Variants in GPAM observed in about 807,000 individuals in gnomAD.
GPAM encodes glycerol-3-phosphate acyltransferase, mitochondrial.
GPAM carries 56 observed loss-of-function variants against 105.0 expected under a neutral mutation model. That is an observed-to-expected ratio of 0.53 (90% confidence interval 0.43 to 0.67). GPAM has a LOEUF of 0.67. Ranked by LOEUF, GPAM falls within the 30% of genes least tolerant of loss-of-function variation. GPAM has a pLI of 0.00. For synonymous variants in GPAM, 368 were observed against 354.4 expected, an observed-to-expected ratio of 1.04 and a Z score of -0.43; for missense variants, 855 against 989.8, an observed-to-expected ratio of 0.86 and a Z score of 1.83.
At chr10:112,180,915 C>A (rs1038669647) in intron 3 of GPAM, among the ~76,000 whole-genome samples, 2 of 152,132 alleles carry the variant, frequency 1.3e-5, no homozygotes, top group African/African-American at 2.4e-5. Context: ...TAACAATTAA[C>A]CTTACCCCCT....
chr10:112,200,061 C>T (rs1305105303), intron 1 of GPAM, among the ~76,000 whole-genome samples: 1 of 151,526 alleles, frequency 6.6e-6, no homozygotes, highest in Non-Finnish European at 1.5e-5. Flanking sequence ...AAGACAGCCA[C>T]ACTTGGATCT....
intron 1 of GPAM, among the ~76,000 whole-genome samples, chr10:112,210,353 T>C (rs1347011934): frequency 6.6e-6 from 1 of 151,628 alleles, no homozygotes. Context: ...AAACAGGGAG[T>C]TTTCAAATCT....
intron 1 of GPAM, among the ~76,000 whole-genome samples, chr10:112,208,172 G>A (rs1847872102): frequency 6.6e-6 from 1 of 152,114 alleles, no homozygotes; most frequent in Non-Finnish European, 1.5e-5. Context: ...AGAAGCACGT[G>A]GATAGAGAAC....
intron 14 of GPAM, 102 bp from the exon 15 acceptor site, chr10:112,161,839 A>G (rs1847130212): frequency 1.2e-6 from 1 of 818,120 alleles, no homozygotes; most frequent in African/African-American, 1.7e-5. Context: ...TAAAACTGTG[A>G]AAGTCTTCTA....
chr10:112,211,561 C>G (rs1215125342), intron 1 of GPAM, among the ~76,000 whole-genome samples: 1 of 152,186 alleles, frequency 6.6e-6, no homozygotes, highest in East Asian at 1.9e-4. Context: ...TTCTTTTTCT[C>G]ATCACATATG....
At chr10:112,214,091 C>G (rs1419792419) in intron 1 of GPAM, among the ~76,000 whole-genome samples, 1 of 152,166 alleles carries the variant, frequency 6.6e-6, no homozygotes, top group Non-Finnish European at 1.5e-5. Flanking sequence ...GCAGTCAGCA[C>G]AGGAAGCATC....
intron 8 of GPAM, 95 bp from the exon 9 acceptor site, chr10:112,172,413 C>T: frequency 1.1e-6 from 1 of 879,418 alleles, no homozygotes; most frequent in Non-Finnish European, 1.9e-6. Context: ...CAAACACTGG[C>T]TAATCAGTGA....
rs1362277077 is a variant in GPAM at position 112,153,217 on chromosome 10, A to G, written c.*333T>C. The G allele has an allele frequency of 1.7e-6, 2 of 1,153,480 alleles. No homozygotes were observed. Among genetic ancestry groups the G allele is most frequent in the Non-Finnish European group, 2.2e-6 (2 of 926,046 alleles). 71.5% of individuals were successfully genotyped at this position (1,153,480 alleles called of 1,614,324 possible). A position where few individuals can be genotyped will look rare whatever the true frequency, so the allele number is the denominator to read the frequency against. On this transcript the variant is annotated 3_prime_UTR_variant, in exon 22 of 22. Transcript: ENST00000348367. ...AGAACACAGCTACATTTCTGTGTCC[A>G]TCACAGTAATTAGTCCTTAAAAGTT...
rs1416028066 is a variant in GPAM, at chr10:112,153,244, T to C, written c.*306A>G. The C allele has an allele frequency of 1.7e-6, 2 of 1,197,734 alleles. No individual in the cohort carries two copies. Among genetic ancestry groups the C allele is most frequent in the Non-Finnish European group, 2.1e-6 (2 of 952,498 alleles). The allele number at this position is 1,197,734 out of a possible 1,614,324, so 74.2% of individuals were successfully genotyped here. On this transcript the variant is annotated 3_prime_UTR_variant, in exon 22 of 22. Coordinates refer to ENST00000348367, the MANE Select transcript of GPAM (RefSeq NM_001244949.2). The stretch of plus-strand genomic sequence containing the variant: ...CACAGTAATTAGTCCTTAAAAGTTG[T>C]ACTTAAAATGTCAATCTTTAATAAA...
intron 21 of GPAM, chr10:112,153,917 C>A: frequency 2.4e-6 from 1 of 420,130 alleles, no homozygotes; most frequent in Non-Finnish European, 4.3e-6. Context: ...TAACTATATT[C>A]TAAAATTTCA....
Position 112,211,220 on chromosome 10 carries a change from G to A in GPAM, n.210+3948C>T, listed in dbSNP as rs148009752. Reference sequence around the variant, plus strand: ...AAACTGGTCACTTCTTCCTCCTGCCGTCCTTGAGTTTGGGCCTAGCTTCTC... The same window carrying A: ...AAACTGGTCACTTCTTCCTCCTGCCATCCTTGAGTTTGGGCCTAGCTTCTC... On this transcript the variant is annotated intron_variant and non_coding_transcript_variant, in intron 1 of 3. Transcript: ENST00000480130. Among the ~76,000 whole-genome samples the A allele has an allele frequency of 7.3e-3, 1,114 of 152,274 alleles. 10 individuals carry two copies. Among genetic ancestry groups the A allele is most frequent in the Non-Finnish European group, 0.011 (740 of 68,014 alleles).
chr10:112,209,430 C>T (rs1310020192), intron 1 of GPAM, among the ~76,000 whole-genome samples: 1 of 152,044 alleles, frequency 6.6e-6, no homozygotes, highest in Non-Finnish European at 1.5e-5. Context: ...AGCATCAGCC[C>T]ACAGGATAAT....
chr10:112,172,153 C>A, intron 9 of GPAM, 29 bp downstream of exon 9: 1 of 1,526,872 alleles, frequency 6.5e-7, no homozygotes, highest in African/African-American at 1.4e-5. Flanking sequence ...CTTTTTAATT[C>A]CTTAAATTCC....
At chr10:112,189,083 G>T (rs1022096245) in intron 1 of GPAM, among the ~76,000 whole-genome samples, 1 of 152,146 alleles carries the variant, frequency 6.6e-6, no homozygotes, top group Non-Finnish European at 1.5e-5. Context: ...CAAGAATATT[G>T]TAAGGACATT....
chr10:112,154,343 T>A, intron 21 of GPAM: 1 of 470,480 alleles, frequency 2.1e-6, no homozygotes, highest in South Asian at 2.6e-5. Context: ...ATATTCAACC[T>A]GTAGCACCTT....
upstream of GPAM, among the ~76,000 whole-genome samples, chr10:112,187,424 C>T (rs1021799622): frequency 1.3e-5 from 2 of 151,970 alleles, no homozygotes; most frequent in African/African-American, 4.8e-5. Flanking sequence ...ATATTAATAT[C>T]ATATAATTTC....
rs181197544 is a variant in GPAM at position 112,163,668 on chromosome 10, T to C, written c.1423+33A>G. 4.0e-6 allele frequency: 4 copies of C among 990,596 alleles called. No homozygotes were observed. In the Admixed American group the frequency reaches 5.1e-5, roughly 13 times the overall value. The allele number at this position is 990,596 out of a possible 1,614,324, so 61.4% of individuals were successfully genotyped here. ...TGCACCATACCATGATGAATCTAAATTGTAGAATTAAAGAGTCTGGTATTC... is the reference window on the plus strand; with the variant it reads ...TGCACCATACCATGATGAATCTAAACTGTAGAATTAAAGAGTCTGGTATTC... On this transcript the variant is annotated intron_variant, in intron 14 of 21. Coordinates refer to ENST00000348367, the MANE Select transcript of GPAM (RefSeq NM_001244949.2).
rs141606827 is a variant in GPAM, at chr10:112,198,454, G to A, written n.211-15563C>T. Among the ~76,000 whole-genome samples the A allele has an allele frequency of 5.0e-4, 76 of 152,216 alleles. 1 individual carries two copies. In the East Asian group the frequency reaches 0.012, roughly 24 times the overall value. ...ACTTTTTGGCATCTGGGAACAGTTC[G>A]ATTATCTGATGAAACTCCAGGCTCT... is the stretch of plus-strand genomic sequence containing the variant. On this transcript the variant is annotated intron_variant and non_coding_transcript_variant, in intron 1 of 3. Transcript: ENST00000480130.
At chr10:112,160,260 C>T in intron 16 of GPAM, 2 of 421,362 alleles carry the variant, frequency 4.7e-6, no homozygotes, top group Non-Finnish European at 6.4e-6. Context: ...ACATAAGCCC[C>T]CTCTTCTCTC....
Sources: allele counts gnomAD v4.1 joint callset (sites outside exome capture counted in the v4.1 genomes callset), GRCh38; gene constraint gnomAD v4.1.1; transcripts MANE v1.5; gene names NCBI Gene and HGNC (gene_info 2026-07-23, HGNC 2026-07-21).